PTPRN2: variants seen among roughly 807,000 people sequenced by gnomAD.
The protein encoded by PTPRN2 is receptor-type tyrosine-protein phosphatase N2.
A neutral mutation model predicts 118.8 loss-of-function variants in PTPRN2; 74 were observed. That is an observed-to-expected ratio of 0.62 (90% CI 0.52 to 0.76). The LOEUF (loss-of-function observed/expected upper bound fraction) is 0.76. Ranked by LOEUF, PTPRN2 falls within the 30% of genes least tolerant of loss-of-function variation. PTPRN2 has a pLI of 0.00. For missense variants in PTPRN2, 1,481 were observed against 1,394.4 expected, an observed-to-expected ratio of 1.06 and a Z score of -0.99; for synonymous variants, 641 against 608.0, an observed-to-expected ratio of 1.05 and a Z score of -0.80.
intron 11 of PTPRN2, among the ~76,000 whole-genome samples, chr7:157,957,398 A>C (rs1801253001): frequency 6.6e-6 from 1 of 152,240 alleles, no homozygotes; most frequent in Non-Finnish European, 1.5e-5. Flanking sequence ...GAGATGTTTA[A>C]AGAGAAGCAT....
chr7:158,331,285 C>T (rs1455249752), intron 2 of PTPRN2, among the ~76,000 whole-genome samples: 2 of 146,420 alleles, frequency 1.4e-5, no homozygotes, highest in African/African-American at 2.6e-5. Context: ...CACCCGCAGA[C>T]GTCACTCACA....
chr7:157,556,136 T>A (rs1798864849), intron 21 of PTPRN2, among the ~76,000 whole-genome samples: 1 of 152,104 alleles, frequency 6.6e-6, no homozygotes, highest in Non-Finnish European at 1.5e-5. Flanking sequence ...CCCCACACGG[T>A]TCAAGCCCTC....
chr7:158,507,695 G>A (rs957647435), intron 1 of PTPRN2, among the ~76,000 whole-genome samples: 4 of 148,956 alleles, frequency 2.7e-5, no homozygotes, highest in Non-Finnish European at 5.9e-5. Context: ...CGCTGGGCGG[G>A]AAATCACACA....
At chr7:158,411,892 G>A (rs901777263) in intron 2 of PTPRN2, among the ~76,000 whole-genome samples, 3 of 152,066 alleles carry the variant, frequency 2.0e-5, no homozygotes, top group Admixed American at 6.6e-5. Flanking sequence ...ATGAGGCTGC[G>A]CACATGAGAC....
chr7:158,176,939 T>A (rs1026196496), intron 5 of PTPRN2, among the ~76,000 whole-genome samples: 4 of 152,198 alleles, frequency 2.6e-5, no homozygotes, highest in Non-Finnish European at 5.9e-5. Flanking sequence ...AGGGAAGCTG[T>A]GCTATCTCTG....
chr7:157,771,495 C>G (rs1237935151), intron 12 of PTPRN2, among the ~76,000 whole-genome samples: 2 of 152,222 alleles, frequency 1.3e-5, no homozygotes, highest in East Asian at 1.9e-4. Context: ...TAACAGCCAC[C>G]CACCATGTCA....
In PTPRN2 at chr7:157,598,603, C is replaced by T. The variant is rs1801485298; in HGVS notation, c.2419-3288G>A. Among the ~76,000 whole-genome samples the T allele has an allele frequency of 1.3e-5, 2 of 152,188 alleles. No homozygotes were observed. Among genetic ancestry groups the T allele is most frequent in the Non-Finnish European group, 2.9e-5 (2 of 68,036 alleles). ...TGTCCTTTAGCTCTGGATTCCAGTG[C>T]ACGTGCATGTGCAGACTCGTCTGTG... On this transcript the variant is annotated intron_variant, in intron 16 of 22. Transcript: ENST00000389418. The surrounding 1 kb of genome is among the most constrained non-coding windows in gnomAD (Gnocchi z 5.2).
intron 2 of PTPRN2, among the ~76,000 whole-genome samples, chr7:158,336,648 C>G (rs796093895): frequency 1.5e-5 from 2 of 134,662 alleles, no homozygotes; most frequent in Non-Finnish European, 3.2e-5. Flanking sequence ...CTCACACCCA[C>G]ACGTCACTCA....
intron 12 of PTPRN2, among the ~76,000 whole-genome samples, chr7:157,713,319 G>A (rs1328492400): frequency 6.6e-6 from 1 of 152,140 alleles, no homozygotes; most frequent in Non-Finnish European, 1.5e-5. Flanking sequence ...CAGAATTGAG[G>A]AATAGCCCCA....
chr7:158,090,711 C>T (rs1433914442), intron 10 of PTPRN2, among the ~76,000 whole-genome samples: 1 of 152,212 alleles, frequency 6.6e-6, no homozygotes, highest in Non-Finnish European at 1.5e-5. Flanking sequence ...CTCCATCAAC[C>T]AGACTGTTGA....
At chr7:158,103,365 TA>T (rs1267414565) in intron 10 of PTPRN2, among the ~76,000 whole-genome samples, 2 of 151,970 alleles carry the variant, frequency 1.3e-5, no homozygotes, top group Non-Finnish European at 2.9e-5. Context: ...AAGTAAGAGG[TA>T]AAAAGCCTTA....
At chr7:157,792,570 G>C (rs1317989736) in intron 12 of PTPRN2, among the ~76,000 whole-genome samples, 1 of 152,212 alleles carries the variant, frequency 6.6e-6, no homozygotes, top group Non-Finnish European at 1.5e-5. Context: ...AGTCGTCTTT[G>C]CCTGCTCCCC....
chr7:157,943,246 A>G (rs1430254957), intron 11 of PTPRN2, among the ~76,000 whole-genome samples: 1 of 152,214 alleles, frequency 6.6e-6, no homozygotes, highest in Non-Finnish European at 1.5e-5. Flanking sequence ...TCACCAGAGG[A>G]TAAACAGGCA....
intron 15 of PTPRN2, among the ~76,000 whole-genome samples, chr7:157,605,618 G>A (rs376657683): frequency 2.4e-4 from 37 of 152,296 alleles, no homozygotes; most frequent in East Asian, 1.4e-3. Context: ...GGGGTTTATC[G>A]AGCAATAGAA....
intron 3 of PTPRN2, among the ~76,000 whole-genome samples, chr7:158,251,273 A>G (rs1410306381): frequency 6.6e-6 from 1 of 152,214 alleles, no homozygotes; most frequent in Non-Finnish European, 1.5e-5. Flanking sequence ...CTCATTGGTG[A>G]GCCGAGGAGA....
chr7:158,362,830 C>T (rs751281450), intron 2 of PTPRN2, among the ~76,000 whole-genome samples: 11 of 152,280 alleles, frequency 7.2e-5, no homozygotes, highest in Non-Finnish European at 1.5e-4. Flanking sequence ...ACTTCTGGGG[C>T]CCAAACATCC....
intron 12 of PTPRN2, among the ~76,000 whole-genome samples, chr7:157,858,095 CT>C (rs1809884326): frequency 3.4e-5 from 4 of 118,318 alleles, no homozygotes; most frequent in Admixed American, 8.0e-5. Context: ...ACCACCCACA[CT>C]CCTGCAGGGA....
intron 12 of PTPRN2, among the ~76,000 whole-genome samples, chr7:157,853,513 A>G (rs1809448434): frequency 1.3e-5 from 2 of 152,010 alleles, no homozygotes; most frequent in South Asian, 2.1e-4. Context: ...GCTGAAGAGA[A>G]AAGTCCCAAA....
intron 9 of PTPRN2, among the ~76,000 whole-genome samples, chr7:158,130,512 ACT>A (rs1491193809): frequency 0.014 from 2,122 of 150,030 alleles, 69 homozygotes; most frequent in African/African-American, 0.043. Flanking sequence ...CAACACACAC[ACT>A]CATACACACA....
Sources: allele counts gnomAD v4.1 joint callset (sites outside exome capture counted in the v4.1 genomes callset), GRCh38; gene constraint gnomAD v4.1.1; non-coding constraint Gnocchi (gnomAD v3.1); transcripts MANE v1.5; gene names NCBI Gene and HGNC (gene_info 2026-07-23, HGNC 2026-07-21).